Variants in FAAH2 observed in about 807,000 individuals in gnomAD.
FAAH2 encodes the protein fatty-acid amide hydrolase 2.
In FAAH2, 60 loss-of-function variants were observed where a neutral mutation model predicts 36.9. The observed-to-expected ratio is 1.63, with a 90% CI of 1.32 to 2.02. The LOEUF is 2.02. Ranked by LOEUF, FAAH2 falls within the 30% of genes most tolerant of loss-of-function variation. The pLI, the probability that FAAH2 is intolerant of heterozygous loss-of-function variation, is 0.00. For synonymous variants in FAAH2, 214 were observed against 143.8 expected (o/e 1.49, Z -3.49); for missense variants, 689 against 397.5 (o/e 1.73, Z -6.23).
the FAAH2 span, among the ~76,000 whole-genome samples, chrX:57,230,900 C>T: frequency 9.0e-6 from 1 of 111,224 alleles, no homozygotes; most frequent in Non-Finnish European, 1.9e-5. Flanking sequence ...GATTTTCTCT[C>T]CTAGTTCTTG....
chrX:57,240,180 C>T, the FAAH2 span, among the ~76,000 whole-genome samples: 1 of 111,527 alleles, frequency 9.0e-6, no homozygotes, highest in African/African-American at 3.3e-5. Context: ...TCTTTGAAGT[C>T]GCTCTTCTTT....
chrX:57,323,654 T>A (rs2053106097), intron 3 of FAAH2, among the ~76,000 whole-genome samples: 1 of 109,154 alleles, frequency 9.2e-6, no homozygotes, highest in Admixed American at 9.9e-5. Context: ...TGTCTGTTCA[T>A]ATCCTTCACC....
At chrX:57,347,847 T>A (rs995022352) in intron 5 of FAAH2, among the ~76,000 whole-genome samples, 40 of 109,619 alleles carry the variant, frequency 3.6e-4, no homozygotes, top group East Asian at 5.7e-4. Flanking sequence ...TGGCAAAAAA[T>A]TTTTTGATGT....
chrX:57,244,860 T>A, the FAAH2 span, among the ~76,000 whole-genome samples: 49,864 of 109,769 alleles, frequency 0.45, 11,428 homozygotes, highest in African/African-American at 0.89. Flanking sequence ...TAATGACAGG[T>A]TCAAATTGAC....
chrX:57,329,625 CCACACACA>C (rs202211095), intron 3 of FAAH2, among the ~76,000 whole-genome samples: 5 of 102,086 alleles, frequency 4.9e-5, no homozygotes, highest in African/African-American at 1.1e-4. Flanking sequence ...AAGACAAGGT[CCACACACA>C]CACACACACA....
chrX:57,268,513 T>G, the FAAH2 span, among the ~76,000 whole-genome samples: 1 of 110,851 alleles, frequency 9.0e-6, no homozygotes, highest in Admixed American at 9.6e-5. Flanking sequence ...CCCAGTAACA[T>G]GCTCCACAGA....
At chrX:57,417,529 A>G (rs1212966958) in intron 7 of FAAH2, among the ~76,000 whole-genome samples, 1 of 112,047 alleles carries the variant, frequency 8.9e-6, no homozygotes, top group African/African-American at 3.2e-5. Context: ...TCCACTCCAG[A>G]CCCTGTTTGC....
the FAAH2 span, among the ~76,000 whole-genome samples, chrX:57,235,145 TA>T: frequency 2.7e-5 from 3 of 111,040 alleles, no homozygotes; most frequent in African/African-American, 9.8e-5. Context: ...GTACTGAAAT[TA>T]GTCCCTTGTC....
Position 57,459,221 on chromosome X carries a change from C to A in FAAH2, c.1423+10503C>A, listed in dbSNP as rs2056915648. On this transcript the variant is annotated intron_variant, in intron 10 of 10. Transcript: ENST00000374900. ...TGCTAACAAGGCCTGAAAGTACAGGCTGAAGGGAAATCAACACAGCATGGC... is the reference window on the plus strand; with the variant it reads ...TGCTAACAAGGCCTGAAAGTACAGGATGAAGGGAAATCAACACAGCATGGC... Among the ~76,000 whole-genome samples, 3 of 112,390 alleles carry A rather than the reference C, an allele frequency of 2.7e-5. No homozygotes were observed. In the South Asian group the frequency reaches 1.1e-3, roughly 41 times the overall value.
intron 7 of FAAH2, among the ~76,000 whole-genome samples, chrX:57,391,412 A>AT (rs1028236142): frequency 1.0e-4 from 11 of 107,261 alleles, no homozygotes; most frequent in South Asian, 3.9e-4. Flanking sequence ...AGTTTTTTCT[A>AT]TTTTTTTTTC....
the FAAH2 span, among the ~76,000 whole-genome samples, chrX:57,270,966 G>T: frequency 8.9e-6 from 1 of 112,014 alleles, no homozygotes; most frequent in Non-Finnish European, 1.9e-5. Flanking sequence ...TGCATAGAAT[G>T]CCAATGAGAC....
At chrX:57,215,789 G>A in the FAAH2 span, among the ~76,000 whole-genome samples, 1 of 108,196 alleles carries the variant, frequency 9.2e-6, no homozygotes, top group Non-Finnish European at 1.9e-5. Flanking sequence ...CACAGAGAGG[G>A]GCACAACACA....
chrX:57,398,872 G>T (rs765028231), intron 7 of FAAH2, among the ~76,000 whole-genome samples: 8 of 111,517 alleles, frequency 7.2e-5, no homozygotes, highest in Non-Finnish European at 1.5e-4. Context: ...AATCCAGCTA[G>T]TCCTGTCTCT....
the FAAH2 span, among the ~76,000 whole-genome samples, chrX:57,144,864 T>A: frequency 9.2e-6 from 1 of 108,875 alleles, no homozygotes; most frequent in African/African-American, 3.4e-5. Flanking sequence ...TTCCTTTTTA[T>A]GACTGAGTAG....
chrX:57,232,476 C>T, the FAAH2 span, among the ~76,000 whole-genome samples: 28 of 112,104 alleles, frequency 2.5e-4, no homozygotes, highest in Non-Finnish European at 3.6e-4. Flanking sequence ...AGGAAAATTT[C>T]AGCTCTTAAA....
Position 57,485,616 on chromosome X carries a change from T to G in FAAH2, c.1424-3141T>G, listed in dbSNP as rs759284354. On this transcript the variant is annotated intron_variant, in intron 10 of 10. Coordinates refer to ENST00000374900, the MANE Select transcript of FAAH2 (RefSeq NM_174912.4). ...GATAGCGTCCCATAATTCTCAGACC[T>G]TCTTCATTATTTTTTCTTATACTTT... is the stretch of plus-strand genomic sequence containing the variant. Among the ~76,000 whole-genome samples the G allele has an allele frequency of 4.8e-3, 537 of 111,946 alleles. 2 individuals carry two copies. Among genetic ancestry groups the G allele is most frequent in the Non-Finnish European group, 8.4e-3 (447 of 53,160 alleles).
At chrX:57,443,878 C>T (rs1216825088) in intron 8 of FAAH2, among the ~76,000 whole-genome samples, 1 of 112,244 alleles carries the variant, frequency 8.9e-6, no homozygotes, top group Non-Finnish European at 1.9e-5. Context: ...CTAAGGTCCA[C>T]TTCACACTCT....
chrX:57,352,881 C>T (rs1180298026), intron 5 of FAAH2, among the ~76,000 whole-genome samples: 1 of 110,236 alleles, frequency 9.1e-6, no homozygotes, highest in East Asian at 2.8e-4. Flanking sequence ...AAAATACCTG[C>T]TTATAAATTT....
intron 4 of FAAH2, among the ~76,000 whole-genome samples, chrX:57,339,738 G>A (rs1025849469): frequency 3.6e-5 from 4 of 111,989 alleles, no homozygotes; most frequent in African/African-American, 1.3e-4. Context: ...TTATTAAAAA[G>A]CCAAGGAACA....
Sources: gnomAD v4.1 joint callset for allele counts (sites outside exome capture counted in the v4.1 genomes callset) on GRCh38, gnomAD v4.1.1 for gene constraint, MANE v1.5 for transcripts, NCBI Gene and HGNC (gene_info 2026-07-23, HGNC 2026-07-21) for gene names.